The following SNX29 variants were observed in gnomAD, a reference collection of about 807,000 sequenced individuals.
SNX29 encodes sorting nexin-29.
Under a neutral mutation model 102.1 loss-of-function variants are expected in SNX29, and 78 were observed. The ratio of observed to expected loss-of-function variants is 0.76; its 90% confidence interval spans 0.64 to 0.92. The LOEUF is 0.92. SNX29 is among the 40% of genes least tolerant of loss of function. SNX29 has a pLI of 0.00. For missense variants in SNX29, 1,280 were observed against 1,061.7 expected (o/e 1.21, Z -2.86); for synonymous variants, 580 against 414.5 (o/e 1.40, Z -4.85).
intron 1 of SNX29, among the ~76,000 whole-genome samples, chr16:11,981,861 G>T (rs1028491295): frequency 6.6e-6 from 1 of 152,078 alleles, no homozygotes; most frequent in Middle Eastern, 3.2e-3. Flanking sequence ...GGATTGATAC[G>T]GATTCATACA....
rs143293526 is a variant in SNX29, at chr16:12,527,504, G to A, written c.2318+2663G>A. On this transcript the variant is annotated intron_variant, in intron 20 of 20. Transcript: ENST00000566228. Reference sequence around the variant, plus strand: ...TCCATTTGAGTTACTGAACGTAACCGGATTGTTCACTAAAGAGAGGGCCCC... The same window carrying A: ...TCCATTTGAGTTACTGAACGTAACCAGATTGTTCACTAAAGAGAGGGCCCC... 7.3e-4 allele frequency: 306 copies of A among 417,956 alleles called. 1 individual carries two copies. Among genetic ancestry groups the A allele is most frequent in the African/African-American group, 5.4e-3 (271 of 50,200 alleles). 25.9% of individuals were successfully genotyped at this position (417,956 alleles called of 1,614,324 possible).
intron 14 of SNX29, among the ~76,000 whole-genome samples, chr16:12,238,104 G>A (rs1209325023): frequency 6.6e-6 from 1 of 152,108 alleles, no homozygotes; most frequent in African/African-American, 2.4e-5. Flanking sequence ...CTCGGTGGAG[G>A]GGCAGTGGGC....
rs140361645 is a variant in SNX29 at position 12,007,087 on chromosome 16, C to T, written c.122+4044C>T. On this transcript the variant is annotated intron_variant, in intron 3 of 20. Transcript: ENST00000566228. Reference sequence around the variant, plus strand: ...TGAGTTTAAAAAAAAAAATTATTCTCCTCTACCTCAGTGGGATTCCTTCTT... The same window carrying T: ...TGAGTTTAAAAAAAAAAATTATTCTTCTCTACCTCAGTGGGATTCCTTCTT... Among the ~76,000 whole-genome samples, 321 of 152,264 alleles carry T rather than the reference C, an allele frequency of 2.1e-3. 1 individual carries two copies. The highest frequency in any genetic ancestry group is 3.3e-3 in the Non-Finnish European group (226 of 68,014).
intron 16 of SNX29, among the ~76,000 whole-genome samples, chr16:12,381,566 A>C (rs1597165173): frequency 1.9e-4 from 6 of 31,750 alleles, no homozygotes; most frequent in Non-Finnish European, 3.7e-4. Context: ...CCAGCCACCC[A>C]CCCATCATCC....
intron 2 of SNX29, among the ~76,000 whole-genome samples, chr16:12,002,138 T>C (rs939601583): frequency 1.3e-5 from 2 of 151,982 alleles, no homozygotes; most frequent in Non-Finnish European, 2.9e-5. Context: ...TATATTTTAA[T>C]TTTACTAATT....
At chr16:12,321,267 C>T (rs2080922521) in intron 15 of SNX29, among the ~76,000 whole-genome samples, 1 of 152,216 alleles carries the variant, frequency 6.6e-6, no homozygotes, top group African/African-American at 2.4e-5. Flanking sequence ...CTTGTCTTCT[C>T]CAGCGGCCAC....
At chr16:12,322,258 TC>T in intron 15 of SNX29, among the ~76,000 whole-genome samples, 1 of 152,196 alleles carries the variant, frequency 6.6e-6, no homozygotes, top group South Asian at 2.1e-4. Flanking sequence ...CATCCTGTGT[TC>T]CACGCTGGAG....
intron 11 of SNX29, among the ~76,000 whole-genome samples, chr16:12,106,056 C>T (rs897642532): frequency 7.2e-5 from 11 of 152,080 alleles, no homozygotes; most frequent in Non-Finnish European, 1.2e-4. Flanking sequence ...ATCTAAGTAA[C>T]GCGAGGGAGG....
intron 18 of SNX29, among the ~76,000 whole-genome samples, chr16:12,414,379 A>G (rs762927908): frequency 6.6e-6 from 1 of 152,246 alleles, no homozygotes; most frequent in African/African-American, 2.4e-5. Context: ...CTCTAAAAGT[A>G]CAAGTAAAAA....
At chr16:12,527,433 G>C (rs2076816910) in intron 20 of SNX29, 6 of 435,526 alleles carry the variant, frequency 1.4e-5, no homozygotes, top group South Asian at 1.0e-4. Flanking sequence ...AATTTTGACA[G>C]ATTTTCTCCT....
At chr16:12,395,542 C>T (rs942965186) in intron 16 of SNX29, among the ~76,000 whole-genome samples, 3 of 152,178 alleles carry the variant, frequency 2.0e-5, no homozygotes, top group Non-Finnish European at 4.4e-5. Context: ...AAGACTGCCG[C>T]GTGAGTGCCC....
intron 13 of SNX29, among the ~76,000 whole-genome samples, chr16:12,159,073 A>G (rs1161559931): frequency 6.6e-6 from 1 of 152,248 alleles, no homozygotes; most frequent in Non-Finnish European, 1.5e-5. Flanking sequence ...CATCTTGTGC[A>G]TAACTGCATT....
chr16:12,524,529 T>C (rs1024094933), intron 19 of SNX29, among the ~76,000 whole-genome samples, 173 bp from the exon 20 acceptor site: 4 of 150,308 alleles, frequency 2.7e-5, no homozygotes, highest in African/African-American at 9.8e-5. Flanking sequence ...GCATCTTTCT[T>C]GTTATTACAT....
chr16:12,003,194 G>A (rs989087885), intron 3 of SNX29, 151 bp downstream of exon 3: 7 of 895,532 alleles, frequency 7.8e-6, no homozygotes, highest in Admixed American at 3.8e-5. Context: ...GAGGTGCAGC[G>A]CTGAAATTTG....
chr16:12,469,061 A>G (rs2087212959), intron 18 of SNX29, among the ~76,000 whole-genome samples: 1 of 152,196 alleles, frequency 6.6e-6, no homozygotes, highest in Admixed American at 6.5e-5. Flanking sequence ...CCACGGTTCC[A>G]GGTAAAGCAC....
chr16:12,108,827 G>A (rs1159598731), intron 11 of SNX29, among the ~76,000 whole-genome samples: 2 of 152,040 alleles, frequency 1.3e-5, no homozygotes, highest in African/African-American at 4.8e-5. Context: ...ACTTGAAGTT[G>A]GGTAATTAAT....
chr16:12,514,303 A>G (rs1224883799), intron 19 of SNX29, among the ~76,000 whole-genome samples: 1 of 152,022 alleles, frequency 6.6e-6, no homozygotes, highest in South Asian at 2.1e-4. Flanking sequence ...GTGGCTTCCT[A>G]GGGCTGCCCT....
intron 20 of SNX29, among the ~76,000 whole-genome samples, chr16:12,541,138 G>T (rs1411320070): frequency 2.0e-5 from 3 of 152,154 alleles, no homozygotes; most frequent in Non-Finnish European, 4.4e-5. Context: ...AGGGGGAGGT[G>T]ACCTTACTAC....
chr16:12,424,690 A>T (rs749544464), intron 18 of SNX29, among the ~76,000 whole-genome samples: 2 of 152,172 alleles, frequency 1.3e-5, no homozygotes, highest in Non-Finnish European at 2.9e-5. Context: ...GTTGAAATAG[A>T]CCTTGTTGTT....
Sources: gnomAD v4.1 joint callset for allele counts (sites outside exome capture counted in the v4.1 genomes callset) on GRCh38, gnomAD v4.1.1 for gene constraint, MANE v1.5 for transcripts, NCBI Gene and HGNC (gene_info 2026-07-23, HGNC 2026-07-21) for gene names.